ADGRL3: variants seen among roughly 807,000 people sequenced by gnomAD.
ADGRL3 encodes adhesion G protein-coupled receptor L3.
ADGRL3 carries 62 observed loss-of-function variants against 153.5 expected under a neutral mutation model. The ratio of observed to expected loss-of-function variants is 0.40; its 90% CI spans 0.33 to 0.50. The LOEUF is 0.50. Ranked by LOEUF, ADGRL3 falls within the 20% of genes least tolerant of loss-of-function variation. The pLI is 0.47. For synonymous variants in ADGRL3, 710 were observed against 672.5 expected (o/e 1.06, Z -0.86); for missense variants, 1,641 against 1,859.4 (o/e 0.88, Z 2.16).
intron 5 of ADGRL3, among the ~76,000 whole-genome samples, chr4:61,627,336 G>C (rs748648129): frequency 4.6e-5 from 7 of 152,098 alleles, no homozygotes; most frequent in Non-Finnish European, 8.8e-5. Flanking sequence ...ATAGTTAGCC[G>C]AATGTGGTGG....
chr4:61,540,832 A>G (rs190747547), intron 4 of ADGRL3, among the ~76,000 whole-genome samples: 1 of 152,286 alleles, frequency 6.6e-6, no homozygotes, highest in African/African-American at 2.4e-5. Context: ...ACTTTTTACT[A>G]CCTGATTAGG....
intron 9 of ADGRL3, among the ~76,000 whole-genome samples, chr4:61,863,228 A>ATT (rs2098362917): frequency 1.8e-5 from 2 of 112,232 alleles, no homozygotes; most frequent in African/African-American, 7.1e-5. Context: ...TCTGGGCATC[A>ATT]TTCTTTTTTT....
chr4:62,071,584 C>G lies in ADGRL3; in HGVS notation c.*676C>G, dbSNP rs950203110. On this transcript the variant is annotated 3_prime_UTR_variant, in exon 27 of 27. Coordinates refer to ENST00000683033, the MANE Select transcript of ADGRL3 (RefSeq NM_001387552.1). Reference sequence around the variant, plus strand: ...ATGTAATGTACAGATACTAGCATTGCACATATAGTCTGCTTTCTGTTCCTC... The same window carrying G: ...ATGTAATGTACAGATACTAGCATTGGACATATAGTCTGCTTTCTGTTCCTC... The G allele has an allele frequency of 3.2e-6, 1 of 308,608 alleles. No individual in the cohort carries two copies. The highest frequency in any genetic ancestry group is 3.0e-5 in the South Asian group (1 of 33,314). The allele number at this position is 308,608 out of a possible 1,614,324, so 19.1% of individuals were successfully genotyped here.
At chr4:62,030,321 G>A (rs987545546) in intron 22 of ADGRL3, among the ~76,000 whole-genome samples, 1 of 151,434 alleles carries the variant, frequency 6.6e-6, no homozygotes, top group African/African-American at 2.4e-5. Flanking sequence ...CATTATAGTG[G>A]AGGATAATAA....
rs192385713 is a variant in ADGRL3, at chr4:61,777,072, A to C, written c.1400-36737A>C. On this transcript the variant is annotated intron_variant, in intron 8 of 26. Transcript: ENST00000683033. ...AATTTCTGGCCAGGTGTGCTGGCTC[A>C]CGCCTGTAACCCAGCACTTTGGGAG... Among the ~76,000 whole-genome samples, 42 of 152,296 alleles carry C rather than the reference A, an allele frequency of 2.8e-4. No individual in the cohort carries two copies. The East Asian group carries it at 7.5e-3, about 27-fold the overall frequency.
chr4:61,853,672 T>G (rs1430894050), intron 9 of ADGRL3, among the ~76,000 whole-genome samples: 1 of 152,214 alleles, frequency 6.6e-6, no homozygotes, highest in Admixed American at 6.5e-5. Context: ...AGCAAGAGTG[T>G]TACCTGAAAG....
intron 1 of ADGRL3, among the ~76,000 whole-genome samples, chr4:61,235,590 A>G (rs1752494306): frequency 6.6e-6 from 1 of 152,150 alleles, no homozygotes; most frequent in Non-Finnish European, 1.5e-5. Context: ...TTTTCCTAGG[A>G]CTGGATTGGA....
intron 13 of ADGRL3, among the ~76,000 whole-genome samples, chr4:61,916,428 A>G (rs2098745414): frequency 6.6e-6 from 1 of 151,928 alleles, no homozygotes; most frequent in South Asian, 2.1e-4. Context: ...TGAGCCCAGG[A>G]GTTCGAATAT....
chr4:62,016,854 T>C (rs904650166), intron 21 of ADGRL3, among the ~76,000 whole-genome samples: 1 of 152,088 alleles, frequency 6.6e-6, no homozygotes, highest in Non-Finnish European at 1.5e-5. Flanking sequence ...GGCCTTCCAT[T>C]ATATCCTTTT....
At chr4:61,301,806 A>G (rs1175160632) in intron 1 of ADGRL3, among the ~76,000 whole-genome samples, 1 of 152,174 alleles carries the variant, frequency 6.6e-6, no homozygotes, top group Non-Finnish European at 1.5e-5. Context: ...TAACAGCACT[A>G]AAAAGAACAT....
intron 5 of ADGRL3, among the ~76,000 whole-genome samples, chr4:61,638,840 C>T (rs927549384): frequency 6.6e-6 from 1 of 152,094 alleles, no homozygotes; most frequent in Non-Finnish European, 1.5e-5. Flanking sequence ...GATATTTTGG[C>T]TCTGACTCAC....
intron 9 of ADGRL3, among the ~76,000 whole-genome samples, chr4:61,886,775 G>A (rs1440460357): frequency 6.6e-6 from 1 of 151,542 alleles, no homozygotes; most frequent in Non-Finnish European, 1.5e-5. Flanking sequence ...CTGAGTAGCT[G>A]GGATTACAGG....
At chr4:61,984,150 T>G (rs1040787053) in intron 19 of ADGRL3, among the ~76,000 whole-genome samples, 1 of 152,200 alleles carries the variant, frequency 6.6e-6, no homozygotes. Flanking sequence ...ATGTGAAGCA[T>G]ATTAGCATGG....
At chr4:61,316,420 A>G (rs1007649032) in intron 1 of ADGRL3, among the ~76,000 whole-genome samples, 11 of 152,192 alleles carry the variant, frequency 7.2e-5, no homozygotes, top group African/African-American at 2.7e-4. Context: ...TGGATTTTTT[A>G]AAATTAGGTT....
intron 5 of ADGRL3, among the ~76,000 whole-genome samples, chr4:61,660,442 A>G (rs935867462): frequency 2.6e-5 from 4 of 152,118 alleles, no homozygotes; most frequent in Non-Finnish European, 5.9e-5. Context: ...CTATACCCAC[A>G]TGTATTCCTT....
At chr4:61,797,859 T>A (rs912998668) in intron 8 of ADGRL3, among the ~76,000 whole-genome samples, 2 of 152,206 alleles carry the variant, frequency 1.3e-5, no homozygotes, top group African/African-American at 4.8e-5. Context: ...AAATAATTAA[T>A]GTCAAATTAT....
intron 8 of ADGRL3, among the ~76,000 whole-genome samples, chr4:61,812,420 C>T (rs1163573562): frequency 5.9e-5 from 9 of 152,080 alleles, no homozygotes; most frequent in Non-Finnish European, 1.2e-4. Context: ...TATTACAAGT[C>T]GAATATTACT....
At chr4:62,027,715 C>T (rs758784946) in intron 21 of ADGRL3, among the ~76,000 whole-genome samples, 25 of 151,784 alleles carry the variant, frequency 1.6e-4, no homozygotes, top group Non-Finnish European at 2.9e-4. Context: ...TAATAATAAC[C>T]GTATATAGTA....
rs1292207887 is a variant in ADGRL3, at chr4:62,077,621, A to G, written c.*6713A>G. 2 of 151,936 alleles carry G rather than the reference A, an allele frequency of 1.3e-5. No individual in the cohort carries two copies. Among genetic ancestry groups the G allele is most frequent in the African/African-American group, 2.4e-5 (1 of 41,428 alleles). 9.4% of individuals were successfully genotyped at this position (151,936 alleles called of 1,614,324 possible). A position where few individuals can be genotyped will look rare whatever the true frequency, so the allele number is the denominator to read the frequency against. Reference sequence around the variant, plus strand: ...GGATACAGTGACTAGGACAGAGTGCATTCTTAGGCTAATTAGTGCCTAGTC... The same window carrying G: ...GGATACAGTGACTAGGACAGAGTGCGTTCTTAGGCTAATTAGTGCCTAGTC... On this transcript the variant is annotated 3_prime_UTR_variant, in exon 27 of 27. Coordinates refer to ENST00000683033, the MANE Select transcript of ADGRL3 (RefSeq NM_001387552.1).
Sources: allele counts gnomAD v4.1 joint callset (sites outside exome capture counted in the v4.1 genomes callset), GRCh38; gene constraint gnomAD v4.1.1; transcripts MANE v1.5; gene names NCBI Gene and HGNC (gene_info 2026-07-23, HGNC 2026-07-21).